Variants in ETV6 observed in about 807,000 individuals in gnomAD.
The protein encoded by ETV6 is ETS variant transcription factor 6, also known as transcription factor ETV6.
Under a neutral mutation model 51.1 loss-of-function variants are expected in ETV6, and 16 were observed. The observed-to-expected ratio is 0.31, with a 90% CI of 0.21 to 0.48. ETV6 has a LOEUF of 0.48. Ranked by LOEUF, ETV6 falls within the 20% of genes least tolerant of loss-of-function variation. The pLI is 0.99. For missense variants in ETV6, 458 were observed against 594.8 expected, an observed-to-expected ratio of 0.77 and a Z score of 2.39; for synonymous variants, 240 against 224.1, an observed-to-expected ratio of 1.07 and a Z score of -0.64.
At chr12:11,750,272 A>G (rs1158066259) in intron 1 of ETV6, among the ~76,000 whole-genome samples, 1 of 152,200 alleles carries the variant, frequency 6.6e-6, no homozygotes, top group African/African-American at 2.4e-5. Flanking sequence ...TACAGTATAT[A>G]CACTTTCAGG....
intron 2 of ETV6, among the ~76,000 whole-genome samples, chr12:11,768,514 C>T (rs1945195871): frequency 6.6e-6 from 1 of 152,152 alleles, no homozygotes; most frequent in South Asian, 2.1e-4. Context: ...GCTCCAAAGC[C>T]TGTGTTCTTT....
intron 5 of ETV6, among the ~76,000 whole-genome samples, chr12:11,878,546 C>G (rs1476125023): frequency 6.6e-6 from 1 of 152,068 alleles, no homozygotes; most frequent in South Asian, 2.1e-4. Context: ...TTCTCCACAC[C>G]TTATGTAATC....
chr12:11,653,415 C>T (rs1272882126), intron 1 of ETV6, among the ~76,000 whole-genome samples: 1 of 152,162 alleles, frequency 6.6e-6, no homozygotes, highest in Non-Finnish European at 1.5e-5. Context: ...TAGTCCCCTC[C>T]TTCCCTGCTG....
At chr12:11,872,197 T>C (rs1946890057) in intron 5 of ETV6, among the ~76,000 whole-genome samples, 2 of 152,196 alleles carry the variant, frequency 1.3e-5, no homozygotes, top group South Asian at 4.1e-4. Context: ...CAGAGGAAAC[T>C]GAGCCCCAGA....
intron 2 of ETV6, among the ~76,000 whole-genome samples, chr12:11,765,339 C>A (rs765222677): frequency 6.6e-6 from 1 of 152,160 alleles, no homozygotes; most frequent in Non-Finnish European, 1.5e-5. Flanking sequence ...AAATCCAGGG[C>A]CGTCTTAGAT....
chr12:11,891,016 T>A lies in ETV6; in HGVS notation c.1329T>A (p.Asp443Glu). ...AGCACCTAGAGTCCCAGGAGCTGGA[T>A]GAACAAATATACCAAGAAGATGAAT... ...RLEHLESQEL[D>E]EQIYQEDEC Residue 443 changes from aspartate to glutamate, a missense_variant, in exon 8 of 8, where the codon GAT becomes GAA. Asp to Glu is a conservative substitution (Grantham distance 45). This residue lies in a region of ETV6 where 55 missense variants were observed against 151.2 expected (regional missense o/e 0.36). Transcript: ENST00000396373. 1 of 1,613,652 alleles carries A rather than the reference T, an allele frequency of 6.2e-7. No homozygotes were observed. The highest frequency in any genetic ancestry group is 8.5e-7 in the Non-Finnish European group (1 of 1,179,700).
At chr12:11,816,266 A>C (rs117552867) in intron 2 of ETV6, among the ~76,000 whole-genome samples, 12,278 of 152,266 alleles carry the variant, frequency 0.081, 894 homozygotes, top group African/African-American at 0.19. Context: ...TTGTTGTTTG[A>C]GACGGAGTCT....
intron 1 of ETV6, among the ~76,000 whole-genome samples, chr12:11,665,678 A>G (rs1339351433): frequency 6.6e-6 from 1 of 152,238 alleles, no homozygotes; most frequent in Non-Finnish European, 1.5e-5. Flanking sequence ...AAGACCTCAC[A>G]CAGTTGACAT....
chr12:11,787,973 G>A (rs942324233), intron 2 of ETV6, among the ~76,000 whole-genome samples: 1 of 152,114 alleles, frequency 6.6e-6, no homozygotes, highest in African/African-American at 2.4e-5. Flanking sequence ...CCAGTGCCCT[G>A]GTATTACTGG....
At position 11,689,473 on chromosome 12, in the gene ETV6, T is replaced by A. The variant is rs890759103; in HGVS notation, c.33+39313T>A. ...ATTTCATTTCATTTTAAACCATGGC[T>A]AACTCTTCTCCAGTCTTCTCCAGGA... On this transcript the variant is annotated intron_variant, in intron 1 of 7. Transcript: ENST00000396373. 1.3e-5 allele frequency among the ~76,000 whole-genome samples: 2 copies of A among 152,182 alleles called. 1 individual carries two copies. The highest frequency in any genetic ancestry group is 4.1e-4 in the South Asian group (2 of 4,836).
chr12:11,689,147 C>T (rs1437931293), intron 1 of ETV6, among the ~76,000 whole-genome samples: 6 of 13,862 alleles, frequency 4.3e-4, no homozygotes, highest in African/African-American at 1.6e-3. Flanking sequence ...GGCGGGGGGG[C>T]GGGAGTGTTT....
At chr12:11,756,493 A>T (rs891143694) in intron 2 of ETV6, among the ~76,000 whole-genome samples, 1 of 152,190 alleles carries the variant, frequency 6.6e-6, no homozygotes, top group Non-Finnish European at 1.5e-5. Flanking sequence ...AAAAAGTTGC[A>T]TTCTTTAAAG....
intron 2 of ETV6, among the ~76,000 whole-genome samples, chr12:11,801,038 A>G (rs1945741461): frequency 6.6e-6 from 1 of 152,254 alleles, no homozygotes; most frequent in South Asian, 2.1e-4. Context: ...TTTAAAATTA[A>G]AAGCAAAAAT....
intron 1 of ETV6, among the ~76,000 whole-genome samples, chr12:11,711,954 C>T (rs1250896428): frequency 6.6e-6 from 1 of 152,198 alleles, no homozygotes; most frequent in Admixed American, 6.5e-5. Flanking sequence ...TTTGTCAAGG[C>T]TCCAGCAAAC....
At chr12:11,847,293 G>A (rs1946480217) in intron 3 of ETV6, among the ~76,000 whole-genome samples, 1 of 152,240 alleles carries the variant, frequency 6.6e-6, no homozygotes, top group African/African-American at 2.4e-5. Flanking sequence ...CTGTAGAGAT[G>A]TTTGTGTTAG....
At chr12:11,772,056 C>T (rs1939201713) in intron 2 of ETV6, among the ~76,000 whole-genome samples, 1 of 152,144 alleles carries the variant, frequency 6.6e-6, no homozygotes, top group South Asian at 2.1e-4. Context: ...AAATATAATA[C>T]AGTGTGCCTT....
chr12:11,756,041 G>T (rs1335286049), intron 2 of ETV6, among the ~76,000 whole-genome samples: 6 of 152,142 alleles, frequency 3.9e-5, no homozygotes. Flanking sequence ...TGCAAACACA[G>T]AGCTATACCC....
chr12:11,792,794 C>T (rs997478802), intron 2 of ETV6, among the ~76,000 whole-genome samples: 6 of 152,032 alleles, frequency 3.9e-5, no homozygotes, highest in Non-Finnish European at 8.8e-5. Context: ...TGCAGCTGAG[C>T]TAAGGGGCAG....
At chr12:11,830,502 G>C (rs908456913) in intron 2 of ETV6, among the ~76,000 whole-genome samples, 1 of 152,222 alleles carries the variant, frequency 6.6e-6, no homozygotes, top group South Asian at 2.1e-4. Context: ...GGCATGACAT[G>C]GATGCGGAAG....
Sources: gnomAD v4.1 joint callset for allele counts (sites outside exome capture counted in the v4.1 genomes callset) on GRCh38, gnomAD v4.1.1 for gene constraint, gnomAD v4.1.1 regional missense constraint, MANE v1.5 for transcripts, NCBI Gene and HGNC (gene_info 2026-07-23, HGNC 2026-07-21) for gene names.